Variants in KCNN3 observed in about 807,000 individuals in gnomAD.
KCNN3 encodes the protein potassium calcium-activated channel subfamily N member 3.
Under a neutral mutation model 62.9 loss-of-function variants are expected in KCNN3, and 16 were observed. That is an observed-to-expected ratio of 0.25 (90% CI 0.17 to 0.39). The LOEUF (loss-of-function observed/expected upper bound fraction) is 0.39. Among genes scored for constraint, KCNN3 ranks in the 10% least tolerant of loss-of-function variants. KCNN3 has a pLI of 1.00. For synonymous variants in KCNN3, 370 were observed against 389.2 expected, an observed-to-expected ratio of 0.95 and a Z score of 0.58; for missense variants, 599 against 949.4, an observed-to-expected ratio of 0.63 and a Z score of 4.85.
intron 1 of KCNN3, among the ~76,000 whole-genome samples, chr1:154,867,035 C>T (rs970897969): frequency 6.6e-6 from 1 of 152,220 alleles, no homozygotes; most frequent in African/African-American, 2.4e-5. Context: ...TCCTTAAGAA[C>T]TCTGACTACG....
chr1:154,808,193 C>T (rs370656199), intron 2 of KCNN3, among the ~76,000 whole-genome samples: 19 of 152,308 alleles, frequency 1.2e-4, no homozygotes, highest in African/African-American at 4.6e-4. Context: ...AATGGGGCTA[C>T]TACCATTTTA....
rs868504377 is a variant in KCNN3 at position 154,785,584 on chromosome 1, T to C, written c.1030-13191A>G. ...CACTTTTCTTTTTCTTTTTTTTTTT[T>C]TTTTTTTTTTTTTTTGAGACAAGAG... On this transcript the variant is annotated intron_variant, in intron 2 of 7. Coordinates refer to ENST00000271915, the MANE Select transcript of KCNN3 (RefSeq NM_002249.6). Among the ~76,000 whole-genome samples the C allele has an allele frequency of 3.9e-4, 56 of 142,866 alleles. 2 individuals carry two copies. Among genetic ancestry groups the C allele is most frequent in the Non-Finnish European group, 4.4e-4 (29 of 65,480 alleles). The allele number at this position is 142,866 out of a possible 152,430, so 93.7% of individuals were successfully genotyped here.
At chr1:154,710,580 G>A (rs1372319695) in intron 7 of KCNN3, among the ~76,000 whole-genome samples, 1 of 152,168 alleles carries the variant, frequency 6.6e-6, no homozygotes, top group African/African-American at 2.4e-5. Flanking sequence ...TGAGGGGTTC[G>A]CTTCACCCGG....
chr1:154,821,930 G>A (rs1000971855), intron 2 of KCNN3, among the ~76,000 whole-genome samples, 159 bp downstream of exon 2: 1 of 152,158 alleles, frequency 6.6e-6, no homozygotes, highest in African/African-American at 2.4e-5. Flanking sequence ...TCCCATTTGG[G>A]TCCAAACCAG....
At chr1:154,780,788 T>C (rs58945763) in intron 2 of KCNN3, among the ~76,000 whole-genome samples, 5,333 of 151,824 alleles carry the variant, frequency 0.035, 201 homozygotes, top group East Asian at 0.19. Flanking sequence ...GTTGGTAAAA[T>C]TACCAGTCAG....
intron 3 of KCNN3, among the ~76,000 whole-genome samples, chr1:154,747,782 G>A (rs912415086): frequency 2.0e-5 from 3 of 152,172 alleles, no homozygotes; most frequent in South Asian, 4.1e-4. Flanking sequence ...AAAAAGGCCC[G>A]TGCCTGCTCC....
Position 154,826,085 on chromosome 1 carries a change from A to C in KCNN3, c.934-3901T>G, listed in dbSNP as rs1379171677. On this transcript the variant is annotated intron_variant, in intron 1 of 7. Coordinates refer to ENST00000271915, the MANE Select transcript of KCNN3 (RefSeq NM_002249.6). ...AACAAAAACAAAAACAAAAACAAAA[A>C]CAAAAAAAACCAAAAAACACTTCTG... 4.7e-5 allele frequency among the ~76,000 whole-genome samples: 7 copies of C among 149,662 alleles called. 2 individuals carry two copies. Among genetic ancestry groups the C allele is most frequent in the East Asian group, 3.9e-4 (2 of 5,090 alleles).
At chr1:154,850,859 G>A (rs1204137156) in intron 1 of KCNN3, among the ~76,000 whole-genome samples, 11 of 152,234 alleles carry the variant, frequency 7.2e-5, no homozygotes, top group Admixed American at 7.2e-4. Context: ...CCAGAGCAGG[G>A]AGATTTGACC....
At chr1:154,802,482 A>G (rs2135695) in intron 2 of KCNN3, among the ~76,000 whole-genome samples, 104,061 of 152,056 alleles carry the variant, frequency 0.68, 38,316 homozygotes, top group East Asian at 0.91. Context: ...GGCAGGGCCC[A>G]GGAAGTATGG....
intron 2 of KCNN3, among the ~76,000 whole-genome samples, chr1:154,811,144 A>G (rs1353756232): frequency 2.6e-5 from 4 of 152,168 alleles, no homozygotes; most frequent in Non-Finnish European, 4.4e-5. Flanking sequence ...CACTTCCCCA[A>G]TCGAAACTTG....
intron 3 of KCNN3, among the ~76,000 whole-genome samples, chr1:154,753,410 C>T (rs923275271): frequency 1.3e-5 from 2 of 152,182 alleles, no homozygotes; most frequent in Non-Finnish European, 2.9e-5. Flanking sequence ...AGGTACCAAA[C>T]AGCATGACCT....
chr1:154,816,613 C>T (rs745992730), intron 2 of KCNN3, among the ~76,000 whole-genome samples: 7 of 152,140 alleles, frequency 4.6e-5, no homozygotes, highest in African/African-American at 7.2e-5. Flanking sequence ...GGGCTCTGAG[C>T]CAGGCACTTC....
intron 2 of KCNN3, among the ~76,000 whole-genome samples, chr1:154,810,208 T>C (rs1650347243): frequency 6.6e-6 from 1 of 152,138 alleles, no homozygotes; most frequent in South Asian, 2.1e-4. Flanking sequence ...GAAGAGCTGC[T>C]GAAGCCTGAC....
rs1330746631 is a variant in KCNN3, at chr1:154,703,491, G to A, written c.*4485C>T. The A allele has an allele frequency of 6.6e-6, 1 of 152,194 alleles. No individual in the cohort carries two copies. The highest frequency in any genetic ancestry group is 1.5e-5 in the Non-Finnish European group (1 of 68,032). The allele number at this position is 152,194 out of a possible 1,614,324, so 9.4% of individuals were successfully genotyped here. A position where few individuals can be genotyped will look rare whatever the true frequency, so the allele number is the denominator to read the frequency against. On this transcript the variant is annotated 3_prime_UTR_variant, in exon 8 of 8. Coordinates refer to ENST00000271915, the MANE Select transcript of KCNN3 (RefSeq NM_002249.6). ...TAGCAACTCTTAGGGGAAGAAGAAT[G>A]AATGTAGAAAACTGGGGACATATTT... is the stretch of plus-strand genomic sequence containing the variant.
At chr1:154,824,292 G>A (rs577431176) in intron 1 of KCNN3, among the ~76,000 whole-genome samples, 34 of 152,314 alleles carry the variant, frequency 2.2e-4, no homozygotes, top group Non-Finnish European at 4.7e-4. Flanking sequence ...AGTTCCATAA[G>A]AGCAGCCTGC....
At chr1:154,819,158 C>A (rs536357571) in intron 2 of KCNN3, among the ~76,000 whole-genome samples, 4 of 152,318 alleles carry the variant, frequency 2.6e-5, no homozygotes, top group African/African-American at 9.6e-5. Context: ...CTCTGCATAA[C>A]TTCATCAGTC....
In KCNN3 at chr1:154,862,340, G is replaced by A. The variant is rs567104692; in HGVS notation, c.933+6692C>T. 6.6e-6 allele frequency among the ~76,000 whole-genome samples: 1 copy of A among 152,266 alleles called. No individual in the cohort carries two copies. The highest frequency in any genetic ancestry group is 2.1e-4 in the South Asian group (1 of 4,808). On this transcript the variant is annotated intron_variant, in intron 1 of 7. Coordinates refer to ENST00000271915, the MANE Select transcript of KCNN3 (RefSeq NM_002249.6). This position sits in a 1 kb window ranked among gnomAD's most constrained non-coding sequence, Gnocchi z 4.1. The stretch of plus-strand genomic sequence containing the variant: ...AGGGACCCAGGGGTGAAAATGCCTT[G>A]TAAGATGTAAGATGCTGAGCTCATG...
chr1:154,754,291 A>G (rs1647526465), intron 3 of KCNN3, among the ~76,000 whole-genome samples: 1 of 152,114 alleles, frequency 6.6e-6, no homozygotes, highest in Non-Finnish European at 1.5e-5. Flanking sequence ...TAGCAGGAAG[A>G]GATGACTTCA....
intron 3 of KCNN3, among the ~76,000 whole-genome samples, chr1:154,733,507 G>C (rs1229904045): frequency 6.6e-6 from 1 of 152,214 alleles, no homozygotes; most frequent in Non-Finnish European, 1.5e-5. Flanking sequence ...AAATGTATGT[G>C]GATGTGATTA....
Sources: gnomAD v4.1 joint callset for allele counts (sites outside exome capture counted in the v4.1 genomes callset) on GRCh38, gnomAD v4.1.1 for gene constraint, Gnocchi (gnomAD v3.1) non-coding constraint, MANE v1.5 for transcripts, NCBI Gene and HGNC (gene_info 2026-07-23, HGNC 2026-07-21) for gene names.